The following DNAJC17 variants were observed in gnomAD, a reference collection of about 807,000 sequenced individuals.
DNAJC17 encodes the protein dnaJ homolog subfamily C member 17.
Under a neutral mutation model 48.1 loss-of-function variants are expected in DNAJC17, and 35 were observed. The observed-to-expected ratio is 0.73, with a 90% CI of 0.56 to 0.96. The LOEUF (loss-of-function observed/expected upper bound fraction) is 0.96. Among genes scored for constraint, DNAJC17 ranks in the 50% least tolerant of loss-of-function variants. The probability of loss-of-function intolerance (pLI) is 0.00; values close to 1 mark genes in which losing one functional copy is unlikely to be tolerated. For missense variants in DNAJC17, 355 were observed against 377.1 expected, an observed-to-expected ratio of 0.94 and a Z score of 0.48; for synonymous variants, 117 against 142.7, an observed-to-expected ratio of 0.82 and a Z score of 1.28.
chr15:40,792,848 T>C (rs1484355230), intron 1 of DNAJC17, among the ~76,000 whole-genome samples: 2 of 151,962 alleles, frequency 1.3e-5, no homozygotes, highest in Non-Finnish European at 2.9e-5. Context: ...TGAACCTCCA[T>C]TCTCCAGTCT....
At chr15:40,775,416 A>G (rs1889291800) in intron 7 of DNAJC17, 137 bp downstream of exon 7, 1 of 1,007,342 alleles carries the variant, frequency 9.9e-7, no homozygotes, top group African/African-American at 1.6e-5. Context: ...TGGAGCATGG[A>G]GGGAGGTGGT....
In DNAJC17 at chr15:40,773,616, G is replaced by A; in HGVS notation, c.792+111C>T. The stretch of plus-strand genomic sequence containing the variant: ...TTGCCTGGGTTGGTGGACCTGCCAA[G>A]CTCACTCTAGGCCCCAAGATCTGAA... On this transcript the variant is annotated intron_variant, in intron 10 of 10. Transcript: ENST00000220496. 7.4e-6 allele frequency: 6 copies of A among 810,340 alleles called. No homozygotes were observed. In the South Asian group the frequency reaches 9.2e-5, roughly 12 times the overall value. 50.2% of individuals were successfully genotyped at this position (810,340 alleles called of 1,614,324 possible).
At position 40,765,202 on chromosome 15, in the gene DNAJC17, C is replaced by G. The variant is rs1270611194; in HGVS notation, c.*2738G>C. The G allele has an allele frequency of 2.0e-5, 3 of 152,156 alleles. No individual in the cohort carries two copies. The highest frequency in any genetic ancestry group is 7.2e-5 in the African/African-American group (3 of 41,418). The allele number at this position is 152,156 out of a possible 1,614,324, so 9.4% of individuals were successfully genotyped here. ...GCTTTATTGATATGTAATGTGCATA[C>G]CATAAATTCTTTGATTTAAAGTGTA... On this transcript the variant is annotated 3_prime_UTR_variant, in exon 11 of 11. Transcript: ENST00000220496.
At chr15:40,783,720 G>C (rs1355803045) in intron 1 of DNAJC17, among the ~76,000 whole-genome samples, 1 of 151,598 alleles carries the variant, frequency 6.6e-6, no homozygotes, top group Non-Finnish European at 1.5e-5. Context: ...AAAATTAGCC[G>C]GGTGTGGTGG....
At chr15:40,792,045 A>G (rs1187811082) in intron 1 of DNAJC17, among the ~76,000 whole-genome samples, 1 of 152,152 alleles carries the variant, frequency 6.6e-6, no homozygotes, top group African/African-American at 2.4e-5. Flanking sequence ...GCCCAAACAC[A>G]CATTTCTCAG....
At chr15:40,803,986 T>G (rs1890137811) in intron 1 of DNAJC17, among the ~76,000 whole-genome samples, 1 of 151,768 alleles carries the variant, frequency 6.6e-6, no homozygotes, top group African/African-American at 2.4e-5. Context: ...TTTTCTTTTT[T>G]AAGAGTGGCA....
chr15:40,767,135 G>A lies in DNAJC17; in HGVS notation c.*805C>T. 1 of 1,347,516 alleles carries A rather than the reference G, an allele frequency of 7.4e-7. No individual in the cohort carries two copies. The highest frequency in any genetic ancestry group is 9.8e-7 in the Non-Finnish European group (1 of 1,020,804). The allele number at this position is 1,347,516 out of a possible 1,614,324, so 83.5% of individuals were successfully genotyped here. Reference sequence around the variant, plus strand: ...AGCCAGCAAGTGTGAGTCACTACAAGAGTGGCCAGGCTGCCTGCTGCAGAC... The same window carrying A: ...AGCCAGCAAGTGTGAGTCACTACAAAAGTGGCCAGGCTGCCTGCTGCAGAC... On this transcript the variant is annotated 3_prime_UTR_variant, in exon 11 of 11. Transcript: ENST00000220496.
chr15:40,767,909 A>G lies in DNAJC17; in HGVS notation c.*31T>C. On this transcript the variant is annotated 3_prime_UTR_variant, in exon 11 of 11. Coordinates refer to ENST00000220496, the MANE Select transcript of DNAJC17 (RefSeq NM_018163.3). ...AAATTTATTGGTGACGTTGAAGAAA[A>G]GGGCTGAGGGGTGGATGGCTGGAGC... is the stretch of plus-strand genomic sequence containing the variant. The G allele has an allele frequency of 1.9e-6, 3 of 1,594,006 alleles. No individual in the cohort carries two copies. Among genetic ancestry groups the G allele is most frequent in the Admixed American group, 1.8e-5 (1 of 54,090 alleles).
chr15:40,779,167 T>G (rs1889409535), intron 4 of DNAJC17, 56 bp downstream of exon 4: 1 of 1,529,750 alleles, frequency 6.5e-7, no homozygotes, highest in Non-Finnish European at 9.1e-7. Flanking sequence ...GTGAGGGAGA[T>G]GAATGAAAAT....
chr15:40,796,282 G>C (rs1043561803), intron 1 of DNAJC17, among the ~76,000 whole-genome samples: 1 of 152,156 alleles, frequency 6.6e-6, no homozygotes, highest in Non-Finnish European at 1.5e-5. Flanking sequence ...ATTCTAATGG[G>C]AGAGCAATGG....
intron 10 of DNAJC17, among the ~76,000 whole-genome samples, chr15:40,768,624 C>G (rs1206632741): frequency 6.6e-6 from 1 of 152,200 alleles, no homozygotes; most frequent in Non-Finnish European, 1.5e-5. Context: ...ATGAGGCCAG[C>G]GTGCCTCTAA....
chr15:40,797,111 T>C (rs1005803762), intron 1 of DNAJC17, among the ~76,000 whole-genome samples: 3 of 152,142 alleles, frequency 2.0e-5, no homozygotes, highest in African/African-American at 7.2e-5. Flanking sequence ...AGCTCATGCC[T>C]GTAATCCTAG....
At chr15:40,782,141 T>C (rs1013086986) in intron 1 of DNAJC17, among the ~76,000 whole-genome samples, 2 of 152,058 alleles carry the variant, frequency 1.3e-5, no homozygotes, top group African/African-American at 4.8e-5. Flanking sequence ...GGAGGATCAC[T>C]GGAGCCCGGG....
chr15:40,805,270 G>A (rs1047443848), intron 1 of DNAJC17, among the ~76,000 whole-genome samples: 1 of 151,636 alleles, frequency 6.6e-6, no homozygotes, highest in African/African-American at 2.4e-5. Context: ...CAGCTACTTG[G>A]GAGGCTGAGG....
intron 1 of DNAJC17, among the ~76,000 whole-genome samples, chr15:40,805,570 C>T (rs1274621413): frequency 5.3e-5 from 7 of 131,800 alleles, no homozygotes; most frequent in East Asian, 2.3e-4. Flanking sequence ...AGGCCGGGCA[C>T]GGTGGCTCAC....
chr15:40,775,398 C>T (rs1239611076), intron 7 of DNAJC17, 155 bp downstream of exon 7: 15 of 894,074 alleles, frequency 1.7e-5, no homozygotes, highest in Non-Finnish European at 2.1e-5. Flanking sequence ...CTCTGATCTC[C>T]GGGCGGCTGG....
rs1167547123 is a variant in DNAJC17 at position 40,767,384 on chromosome 15, G to A, written c.*556C>T. ...GCTGATTTGCAGACGGGGCACCCCTGTGGAGGGGCTGCTGTGGGCCCTGAC... is the reference window on the plus strand; with the variant it reads ...GCTGATTTGCAGACGGGGCACCCCTATGGAGGGGCTGCTGTGGGCCCTGAC... On this transcript the variant is annotated 3_prime_UTR_variant, in exon 11 of 11. Coordinates refer to ENST00000220496, the MANE Select transcript of DNAJC17 (RefSeq NM_018163.3). 1.9e-6 allele frequency: 3 copies of A among 1,572,500 alleles called. No individual in the cohort carries two copies. In the East Asian group the frequency reaches 7.2e-5, roughly 38 times the overall value.
In DNAJC17 at chr15:40,766,675, C is replaced by A. The variant is rs1197166107; in HGVS notation, c.*1265G>T. ...TCAATTAAACCTGACAGAAGGACTA[C>A]CAGCACTCTCCATGCTAGGGAGTGG... is the stretch of plus-strand genomic sequence containing the variant. On this transcript the variant is annotated 3_prime_UTR_variant, in exon 11 of 11. Coordinates refer to ENST00000220496, the MANE Select transcript of DNAJC17 (RefSeq NM_018163.3). The A allele has an allele frequency of 6.6e-6, 1 of 152,372 alleles. No homozygotes were observed. The highest frequency in any genetic ancestry group is 2.4e-5 in the African/African-American group (1 of 41,480). 9.4% of individuals were successfully genotyped at this position (152,372 alleles called of 1,614,324 possible). A position where few individuals can be genotyped will look rare whatever the true frequency, so the allele number is the denominator to read the frequency against.
Position 40,775,608 on chromosome 15 carries a change from G to A in DNAJC17, c.479-12C>T, listed in dbSNP as rs1889298423. ...ATTTTCTGCCTTTCCTAGAAATATT[G>A]GGAAAAGAAGAAAAGTAGAATATGA... On this transcript the variant is annotated splice_polypyrimidine_tract_variant and intron_variant, in intron 6 of 10. Transcript: ENST00000220496. 1.9e-6 allele frequency: 3 copies of A among 1,613,010 alleles called. No individual in the cohort carries two copies. The highest frequency in any genetic ancestry group is 1.3e-5 in the African/African-American group (1 of 74,900).
Sources: allele counts gnomAD v4.1 joint callset (sites outside exome capture counted in the v4.1 genomes callset), GRCh38; gene constraint gnomAD v4.1.1; transcripts MANE v1.5; gene names NCBI Gene and HGNC (gene_info 2026-07-23, HGNC 2026-07-21).